The following ANKFN1 variants were observed in gnomAD, a reference collection of about 807,000 sequenced individuals.
ANKFN1 encodes the protein ankyrin repeat and fibronectin type III domain containing 1, also known as ankyrin repeat and fibronectin type-III domain-containing protein 1.
ANKFN1 carries 74 observed loss-of-function variants against 108.7 expected under a neutral mutation model. That is an observed-to-expected ratio of 0.68 (90% CI 0.56 to 0.83). The LOEUF (loss-of-function observed/expected upper bound fraction) is 0.83. Among genes scored for constraint, ANKFN1 ranks in the 40% least tolerant of loss-of-function variants. The probability of loss-of-function intolerance (pLI) is 0.00; values close to 1 mark genes in which losing one functional copy is unlikely to be tolerated. For missense variants in ANKFN1, 1,505 were observed against 1,382.3 expected (o/e 1.09, Z -1.41); for synonymous variants, 547 against 516.2 (o/e 1.06, Z -0.81).
chr17:56,075,393 C>T (rs1174649296), intron 4 of ANKFN1, among the ~76,000 whole-genome samples: 1 of 152,012 alleles, frequency 6.6e-6, no homozygotes, highest in Non-Finnish European at 1.5e-5. Flanking sequence ...GTTTTCTTGC[C>T]CAAACTAGAG....
At chr17:56,285,010 T>G (rs549134548) in intron 3 of ANKFN1, among the ~76,000 whole-genome samples, 1 of 152,196 alleles carries the variant, frequency 6.6e-6, no homozygotes, top group Admixed American at 6.5e-5. Flanking sequence ...CAAGTCAAGA[T>G]CTTATTTCTT....
At chr17:56,149,971 AT>A (rs1420461123), upstream of ANKFN1, among the ~76,000 whole-genome samples, 1 of 125,022 alleles carries the variant, frequency 8.0e-6, no homozygotes, top group Non-Finnish European at 1.8e-5. Flanking sequence ...TTATTATATT[AT>A]TTTGTTTTCC....
At chr17:56,050,065 C>A (rs1904748538) in intron 4 of ANKFN1, among the ~76,000 whole-genome samples, 1 of 151,898 alleles carries the variant, frequency 6.6e-6, no homozygotes, top group Admixed American at 6.5e-5. Context: ...TGTTTCCTGA[C>A]TTTTTAATGA....
intron 3 of ANKFN1, among the ~76,000 whole-genome samples, chr17:56,231,039 T>C (rs1343379492): frequency 1.3e-5 from 2 of 152,082 alleles, no homozygotes; most frequent in African/African-American, 4.8e-5. Context: ...ATAAATTGCA[T>C]GGTGTGGCTA....
At chr17:56,472,014 A>G (rs923245573) in intron 15 of ANKFN1, 2 of 152,244 alleles carry the variant, frequency 1.3e-5, no homozygotes, top group East Asian at 3.8e-4. Flanking sequence ...TGAATTACAT[A>G]CTTGAACAGG....
intron 4 of ANKFN1, among the ~76,000 whole-genome samples, chr17:56,137,624 T>C (rs945661089): frequency 5.3e-5 from 8 of 152,026 alleles, no homozygotes; most frequent in Non-Finnish European, 1.2e-4. Context: ...CATATACTAG[T>C]ATAAAAACCT....
intron 6 of ANKFN1, among the ~76,000 whole-genome samples, chr17:56,356,128 G>A (rs1217189732): frequency 6.6e-6 from 1 of 152,030 alleles, no homozygotes; most frequent in East Asian, 1.9e-4. Flanking sequence ...TTGCACTGGG[G>A]CTAATGGCAG....
At chr17:56,466,240 A>C (rs558449341) in intron 14 of ANKFN1, 116 bp from the exon 15 acceptor site, 1 of 951,624 alleles carries the variant, frequency 1.1e-6, no homozygotes, top group Admixed American at 2.5e-5. Flanking sequence ...AAAAAAAAAA[A>C]AGAGAGCAAA....
chr17:56,459,004 A>G (rs537536890), intron 14 of ANKFN1, among the ~76,000 whole-genome samples: 10 of 152,296 alleles, frequency 6.6e-5, no homozygotes, highest in Admixed American at 6.5e-4. Flanking sequence ...AGAAATGCAA[A>G]TTTTGCTCCT....
At chr17:56,259,909 A>AACACACACACACAC (rs34951336) in intron 3 of ANKFN1, among the ~76,000 whole-genome samples, 5 of 139,154 alleles carry the variant, frequency 3.6e-5, no homozygotes, top group Admixed American at 2.2e-4. Flanking sequence ...CCCACCTCCA[A>AACACACACACACAC]ACACACACAC....
At chr17:56,067,278 A>G (rs530321738) in intron 4 of ANKFN1, among the ~76,000 whole-genome samples, 13 of 152,198 alleles carry the variant, frequency 8.5e-5, no homozygotes, top group Admixed American at 1.3e-4. Context: ...CCATCCGTGG[A>G]CACTTGGACT....
chr17:56,233,902 A>T (rs972865030), intron 3 of ANKFN1, among the ~76,000 whole-genome samples: 1 of 152,148 alleles, frequency 6.6e-6, no homozygotes, highest in African/African-American at 2.4e-5. Flanking sequence ...TATACCTCAC[A>T]GGTCCACTCT....
chr17:56,083,729 G>T (rs1905275530), intron 4 of ANKFN1, among the ~76,000 whole-genome samples: 1 of 151,322 alleles, frequency 6.6e-6, no homozygotes, highest in Non-Finnish European at 1.5e-5. Context: ...GTATTGTGGG[G>T]ACGCAGAGCT....
intron 8 of ANKFN1, among the ~76,000 whole-genome samples, chr17:56,381,432 C>G (rs148539013): frequency 1.3e-5 from 2 of 152,310 alleles, no homozygotes; most frequent in African/African-American, 4.8e-5. Context: ...CAAAGCTGGA[C>G]AGAGAATGAC....
At chr17:56,498,230 T>C (rs2051262729) in intron 19 of ANKFN1, among the ~76,000 whole-genome samples, 1 of 152,120 alleles carries the variant, frequency 6.6e-6, no homozygotes, top group Non-Finnish European at 1.5e-5. Context: ...AAGTAGTAAG[T>C]CTAATATATG....
chr17:56,408,037 C>T (rs2047975655), intron 8 of ANKFN1, among the ~76,000 whole-genome samples: 2 of 146,058 alleles, frequency 1.4e-5, no homozygotes, highest in East Asian at 2.1e-4. Context: ...CGGGTTCAAG[C>T]GATTCTCTTG....
intron 1 of ANKFN1, among the ~76,000 whole-genome samples, chr17:56,195,124 T>G (rs2143718798): frequency 6.6e-6 from 1 of 152,334 alleles, no homozygotes; most frequent in Non-Finnish European, 1.5e-5. Context: ...CAGTTCACCC[T>G]AAGAGCATTA....
At chr17:56,433,423 AAAAG>A (rs1429029068) in intron 8 of ANKFN1, among the ~76,000 whole-genome samples, 2 of 152,144 alleles carry the variant, frequency 1.3e-5, no homozygotes, top group African/African-American at 4.8e-5. Flanking sequence ...ATTTAAAAGA[AAAAG>A]AAAAGAAACT....
intron 8 of ANKFN1, among the ~76,000 whole-genome samples, chr17:56,380,798 G>A (rs889554796): frequency 3.3e-5 from 5 of 152,246 alleles, no homozygotes; most frequent in African/African-American, 1.2e-4. Flanking sequence ...CGAACTGGGT[G>A]GAGCCCACCA....
Sources: allele counts gnomAD v4.1 joint callset (sites outside exome capture counted in the v4.1 genomes callset), GRCh38; gene constraint gnomAD v4.1.1; transcripts MANE v1.5; gene names NCBI Gene and HGNC (gene_info 2026-07-23, HGNC 2026-07-21).